Variants in ARL8B observed in about 807,000 individuals in gnomAD.
ARL8B encodes ADP-ribosylation factor-like protein 8B.
Under a neutral mutation model 30.6 loss-of-function variants are expected in ARL8B, and 9 were observed. That is an observed-to-expected ratio of 0.29 (90% CI 0.18 to 0.51). ARL8B has a LOEUF of 0.51. Among genes scored for constraint, ARL8B ranks in the 20% least tolerant of loss-of-function variants. The pLI is 0.97. For missense variants in ARL8B, 130 were observed against 227.2 expected, an observed-to-expected ratio of 0.57 and a Z score of 2.75; for synonymous variants, 74 against 76.0, an observed-to-expected ratio of 0.97 and a Z score of 0.14.
intron 1 of ARL8B, among the ~76,000 whole-genome samples, chr3:5,135,469 A>T (rs2054316390): frequency 6.7e-6 from 1 of 149,314 alleles, no homozygotes. Flanking sequence ...TATTATTATT[A>T]TTTTTTTGAG....
rs111824873 is a variant in ARL8B at position 5,135,756 on chromosome 3, C to CTATTATTAT, written c.123+13206_123+13214dup. 2.9e-3 allele frequency among the ~76,000 whole-genome samples: 362 copies of CTATTATTAT among 126,924 alleles called. 3 individuals are homozygous for CTATTATTAT. Among genetic ancestry groups the CTATTATTAT allele is most frequent in the East Asian group, 4.9e-3 (20 of 4,118 alleles). The allele number at this position is 126,924 out of a possible 152,430, so 83.3% of individuals were successfully genotyped here. A position where few individuals can be genotyped will look rare whatever the true frequency, so the allele number is the denominator to read the frequency against. On this transcript the variant is annotated intron_variant, in intron 1 of 6. Transcript: ENST00000256496. ...ACAGGCGTGAGCCACCGCACCTGGC[C>CTATTATTAT]TATTATTATTATTATTATTATTATT...
At chr3:5,156,113 G>C (rs1169353106) in intron 1 of ARL8B, among the ~76,000 whole-genome samples, 1 of 152,042 alleles carries the variant, frequency 6.6e-6, no homozygotes, top group Non-Finnish European at 1.5e-5. Flanking sequence ...ATGTTAGCCA[G>C]GCTGGTCTCA....
chr3:5,168,629 C>G (rs1349658540), intron 1 of ARL8B, among the ~76,000 whole-genome samples: 1 of 152,194 alleles, frequency 6.6e-6, no homozygotes, highest in East Asian at 1.9e-4. Flanking sequence ...AGTTGATGTT[C>G]ATAATCATAA....
chr3:5,152,204 T>A (rs1469002451), intron 1 of ARL8B, among the ~76,000 whole-genome samples: 1 of 152,262 alleles, frequency 6.6e-6, no homozygotes, highest in Non-Finnish European at 1.5e-5. Flanking sequence ...TCTCTAATTA[T>A]AATTGTGGGT....
At chr3:5,177,531 A>T (rs745618782) in intron 6 of ARL8B, among the ~76,000 whole-genome samples, 1 of 149,046 alleles carries the variant, frequency 6.7e-6, no homozygotes, top group Non-Finnish European at 1.5e-5. Context: ...ATTTTGGCTC[A>T]CTGCAACCTC....
intron 1 of ARL8B, among the ~76,000 whole-genome samples, chr3:5,136,035 G>A (rs2054322792): frequency 6.6e-6 from 1 of 151,418 alleles, no homozygotes; most frequent in African/African-American, 2.4e-5. Context: ...CAGTCCACCC[G>A]CCTCGGCCTC....
At chr3:5,123,869 T>C (rs930851649) in intron 1 of ARL8B, among the ~76,000 whole-genome samples, 44 of 152,180 alleles carry the variant, frequency 2.9e-4, no homozygotes, top group Non-Finnish European at 5.1e-4. Context: ...TTTCTAGTAG[T>C]ATTATTATTA....
intron 1 of ARL8B, among the ~76,000 whole-genome samples, chr3:5,159,622 AAAAG>A (rs1336295485): frequency 2.5e-4 from 38 of 150,832 alleles, no homozygotes; most frequent in Non-Finnish European, 2.4e-4. Context: ...AAAAAAAAAA[AAAAG>A]AGAAAAAGAA....
chr3:5,171,420 C>T (rs1461350697), intron 2 of ARL8B, among the ~76,000 whole-genome samples: 6 of 150,918 alleles, frequency 4.0e-5, no homozygotes, highest in South Asian at 2.1e-4. Flanking sequence ...GGTGTGATCT[C>T]GGCTCACTGC....
chr3:5,151,702 G>A (rs1267743276), intron 1 of ARL8B, among the ~76,000 whole-genome samples: 2 of 151,020 alleles, frequency 1.3e-5, no homozygotes, highest in East Asian at 2.0e-4. Context: ...TTTTACATTT[G>A]TGAAGCTTTT....
intron 5 of ARL8B, 87 bp downstream of exon 5, chr3:5,174,171 C>T: frequency 7.8e-7 from 1 of 1,276,302 alleles, no homozygotes; most frequent in South Asian, 1.3e-5. Flanking sequence ...TGATCATAGC[C>T]ATTTTTTTTA....
intron 1 of ARL8B, among the ~76,000 whole-genome samples, chr3:5,127,912 A>AGGCGCAAT (rs2054246813): frequency 5.1e-5 from 7 of 138,058 alleles, no homozygotes; most frequent in South Asian, 4.7e-4. Context: ...GCGGAGGGCC[A>AGGCGCAAT]GGCGCAATGG....
intron 1 of ARL8B, among the ~76,000 whole-genome samples, chr3:5,155,661 C>G: frequency 9.2e-6 from 1 of 108,458 alleles, no homozygotes; most frequent in South Asian, 3.5e-4. Context: ...TTTGTTGATT[C>G]CCCGTGCCCC....
intron 2 of ARL8B, among the ~76,000 whole-genome samples, chr3:5,171,315 T>C (rs1466022687): frequency 6.6e-6 from 1 of 152,194 alleles, no homozygotes; most frequent in Non-Finnish European, 1.5e-5. Context: ...ATAAAATGAT[T>C]ATGGATGTGG....
At chr3:5,149,696 A>G (rs1024852528) in intron 1 of ARL8B, among the ~76,000 whole-genome samples, 2 of 152,194 alleles carry the variant, frequency 1.3e-5, no homozygotes, top group African/African-American at 2.4e-5. Context: ...CCTCTTCTAC[A>G]GTCTGTTCAC....
chr3:5,141,090 T>G lies in ARL8B; in HGVS notation c.123+18502T>G, dbSNP rs577254567. 2.0e-5 allele frequency among the ~76,000 whole-genome samples: 3 copies of G among 152,310 alleles called. No individual in the cohort carries two copies. The South Asian group carries it at 6.2e-4, about 32-fold the overall frequency. On this transcript the variant is annotated intron_variant, in intron 1 of 6. Coordinates refer to ENST00000256496, the MANE Select transcript of ARL8B (RefSeq NM_018184.3). ...TTATAAGGTTATACCGTGGTCCCTT[T>G]CCCCACTTCAGTTTCGATTTCCCAA...
chr3:5,123,818 AT>A (rs2054204714), intron 1 of ARL8B, among the ~76,000 whole-genome samples: 1 of 152,226 alleles, frequency 6.6e-6, no homozygotes, highest in Non-Finnish European at 1.5e-5. Context: ...TTGAAGAATG[AT>A]GTATATAAGG....
chr3:5,135,805 G>T (rs2054320300), intron 1 of ARL8B, among the ~76,000 whole-genome samples: 2 of 103,228 alleles, frequency 1.9e-5, no homozygotes, highest in Admixed American at 1.1e-4. Context: ...TTATTATTTT[G>T]AGACAGGGTC....
chr3:5,173,998 ATATCT>A lies in ARL8B; in HGVS notation c.373-17_373-13del, dbSNP rs1295958289. The A allele has an allele frequency of 7.6e-6, 12 of 1,585,600 alleles. No individual in the cohort carries two copies. The South Asian group carries it at 1.3e-4, about 18-fold the overall frequency. ...TTTCTTGCATAAACGTGTGCTCTTA[ATATCT>A]TTTCTTTTTAAAGGTGCTAGTGCTT... On this transcript the variant is annotated splice_polypyrimidine_tract_variant and intron_variant, in intron 4 of 6. Coordinates refer to ENST00000256496, the MANE Select transcript of ARL8B (RefSeq NM_018184.3).
Sources: allele counts gnomAD v4.1 joint callset (sites outside exome capture counted in the v4.1 genomes callset), GRCh38; gene constraint gnomAD v4.1.1; transcripts MANE v1.5; gene names NCBI Gene and HGNC (gene_info 2026-07-23, HGNC 2026-07-21).